The following FRMD3 variants were observed in gnomAD, a reference collection of about 807,000 sequenced individuals.
The protein encoded by FRMD3 is FERM domain-containing protein 3.
Under a neutral mutation model 70.2 loss-of-function variants are expected in FRMD3, and 33 were observed. That is an observed-to-expected ratio of 0.47 (90% CI 0.36 to 0.63). FRMD3 has a LOEUF of 0.63. Ranked by LOEUF, FRMD3 falls within the 20% of genes least tolerant of loss-of-function variation. FRMD3 has a pLI of 0.00. For synonymous variants in FRMD3, 279 were observed against 255.9 expected, an observed-to-expected ratio of 1.09 and a Z score of -0.86; for missense variants, 632 against 711.4, an observed-to-expected ratio of 0.89 and a Z score of 1.27.
chr9:83,358,689 T>TA (rs1306184510), intron 3 of FRMD3, among the ~76,000 whole-genome samples: 1 of 150,306 alleles, frequency 6.7e-6, no homozygotes, highest in Non-Finnish European at 1.5e-5. Context: ...TTTATTTATT[T>TA]ATTTATTTAT....
In FRMD3 at chr9:83,463,075, G is replaced by T. The variant is rs566783257; in HGVS notation, c.148-73367C>A. On this transcript the variant is annotated intron_variant, in intron 1 of 13. Coordinates refer to ENST00000304195, the MANE Select transcript of FRMD3 (RefSeq NM_174938.6). Reference sequence around the variant, plus strand: ...TGCAAAAATTGCACCATGATGTTCTGGGGATTCTCTGATAGCAAAGAGAAG... The same window carrying T: ...TGCAAAAATTGCACCATGATGTTCTTGGGATTCTCTGATAGCAAAGAGAAG... Among the ~76,000 whole-genome samples, 10 of 152,206 alleles carry T rather than the reference G, an allele frequency of 6.6e-5. No homozygotes were observed. The South Asian group carries it at 2.1e-3, about 32-fold the overall frequency.
rs186058089 is a variant in FRMD3 at position 83,452,452 on chromosome 9, G to A, written c.148-62744C>T. ...TTCAGTAATTAAATTACTCATCCCCGTATGAACTAATGCTTGAGTTGTTTT... is the reference window on the plus strand; with the variant it reads ...TTCAGTAATTAAATTACTCATCCCCATATGAACTAATGCTTGAGTTGTTTT... On this transcript the variant is annotated intron_variant, in intron 1 of 13. Coordinates refer to ENST00000304195, the MANE Select transcript of FRMD3 (RefSeq NM_174938.6). 3.6e-3 allele frequency among the ~76,000 whole-genome samples: 531 copies of A among 145,890 alleles called. 1 individual carries two copies. The highest frequency in any genetic ancestry group is 5.9e-3 in the Non-Finnish European group (396 of 66,750).
chr9:83,561,425 C>T, the FRMD3 span, among the ~76,000 whole-genome samples: 1 of 152,204 alleles, frequency 6.6e-6, no homozygotes, highest in African/African-American at 2.4e-5. Flanking sequence ...GGCTGCTATG[C>T]ACCAGACACT....
chr9:83,334,699 G>C lies in FRMD3; in HGVS notation c.596+817C>G, dbSNP rs1311198560. Among the ~76,000 whole-genome samples the C allele has an allele frequency of 4.6e-5, 7 of 151,972 alleles. No homozygotes were observed. In the South Asian group the frequency reaches 1.5e-3, roughly 32 times the overall value. On this transcript the variant is annotated intron_variant, in intron 6 of 13. Coordinates refer to ENST00000304195, the MANE Select transcript of FRMD3 (RefSeq NM_174938.6). ...ACTACTTGAATTACCTAAATTCCAA[G>C]TTGGCAATGATCCCTACACACACTT...
rs993404841 is a variant in FRMD3 at position 83,244,817 on chromosome 9, T to C, written c.*3101A>G. 23 of 984,968 alleles carry C rather than the reference T, an allele frequency of 2.3e-5. No individual in the cohort carries two copies. The highest frequency in any genetic ancestry group is 6.1e-5 in the Admixed American group (1 of 16,268). The allele number at this position is 984,968 out of a possible 1,614,324, so 61.0% of individuals were successfully genotyped here. The stretch of plus-strand genomic sequence containing the variant: ...CACCCCGAGTTGTGTTTATAAATAT[T>C]AGACAAACCACAAAATATATTCCAA... On this transcript the variant is annotated 3_prime_UTR_variant, in exon 14 of 14. Transcript: ENST00000304195.
At chr9:83,520,225 C>G (rs1564114692) in intron 1 of FRMD3, among the ~76,000 whole-genome samples, 1 of 152,328 alleles carries the variant, frequency 6.6e-6, no homozygotes, top group East Asian at 1.9e-4. Context: ...CCTTCCCCCC[C>G]TGGACTTCAG....
At chr9:83,539,803 C>A (rs1215209718), upstream of FRMD3, among the ~76,000 whole-genome samples, 70 of 152,304 alleles carry the variant, frequency 4.6e-4, 1 homozygote, top group Admixed American at 4.5e-3. Flanking sequence ...CAAATTGCAA[C>A]AATTTGTCAA....
At position 83,350,490 on chromosome 9, in the gene FRMD3, G is replaced by A. The variant is rs540209284; in HGVS notation, c.296-733C>T. 2.0e-5 allele frequency among the ~76,000 whole-genome samples: 3 copies of A among 151,544 alleles called. No homozygotes were observed. The South Asian group carries it at 6.3e-4, about 32-fold the overall frequency. On this transcript the variant is annotated intron_variant, in intron 3 of 13. Coordinates refer to ENST00000304195, the MANE Select transcript of FRMD3 (RefSeq NM_174938.6). ...AAAAAAAAATTAGCTGGGTGTGGTG[G>A]CACATGCCTGTAATCCCAGCTACTC...
At chr9:83,363,175 T>C (rs1824665642) in intron 3 of FRMD3, among the ~76,000 whole-genome samples, 1 of 152,204 alleles carries the variant, frequency 6.6e-6, no homozygotes, top group Non-Finnish European at 1.5e-5. Flanking sequence ...GTCCCTATAT[T>C]ATGCTCTCTT....
At chr9:83,396,379 T>C (rs1002768877) in intron 1 of FRMD3, among the ~76,000 whole-genome samples, 1 of 152,218 alleles carries the variant, frequency 6.6e-6, no homozygotes, top group African/African-American at 2.4e-5. Context: ...CAACCATACA[T>C]CCCTTTATCT....
intron 3 of FRMD3, among the ~76,000 whole-genome samples, chr9:83,362,135 G>A (rs1458786033): frequency 6.6e-6 from 1 of 151,916 alleles, no homozygotes; most frequent in Non-Finnish European, 1.5e-5. Flanking sequence ...ATGAGTATGA[G>A]ACCTGTGGCT....
At position 83,479,651 on chromosome 9, in the gene FRMD3, G is replaced by A. The variant is rs1177820668; in HGVS notation, c.147+58434C>T. Among the ~76,000 whole-genome samples, 28 of 45,534 alleles carry A rather than the reference G, an allele frequency of 6.1e-4. 2 individuals carry two copies. The highest frequency in any genetic ancestry group is 2.6e-3 in the African/African-American group (22 of 8,362). The allele number at this position is 45,534 out of a possible 152,430, so 29.9% of individuals were successfully genotyped here. On this transcript the variant is annotated intron_variant, in intron 1 of 13. Coordinates refer to ENST00000304195, the MANE Select transcript of FRMD3 (RefSeq NM_174938.6). ...AGGAAGGAAGGAAGGAAGGAAGGAAGGAAGGAAGGAAGGAAGGAAGGAAAG... is the reference window on the plus strand; with the variant it reads ...AGGAAGGAAGGAAGGAAGGAAGGAAAGAAGGAAGGAAGGAAGGAAGGAAAG...
chr9:83,519,406 G>T (rs1418757601), intron 1 of FRMD3, among the ~76,000 whole-genome samples: 4 of 152,104 alleles, frequency 2.6e-5, no homozygotes, highest in African/African-American at 9.7e-5. Context: ...CATCATCACT[G>T]GTCATTAGAG....
At chr9:83,380,295 C>A (rs1046726986) in intron 2 of FRMD3, among the ~76,000 whole-genome samples, 1 of 152,080 alleles carries the variant, frequency 6.6e-6, no homozygotes, top group African/African-American at 2.4e-5. Context: ...AGAAGATGAG[C>A]TACACAAAGG....
intron 1 of FRMD3, among the ~76,000 whole-genome samples, chr9:83,420,754 A>G (rs1033838574): frequency 6.6e-6 from 1 of 151,960 alleles, no homozygotes; most frequent in Non-Finnish European, 1.5e-5. Flanking sequence ...GTGAAATCTG[A>G]TTGTTAAAAA....
At chr9:83,379,613 A>ACC (rs1460833265) in intron 2 of FRMD3, among the ~76,000 whole-genome samples, 1 of 152,144 alleles carries the variant, frequency 6.6e-6, no homozygotes, top group Non-Finnish European at 1.5e-5. Flanking sequence ...CAGTGGATTC[A>ACC]CCCCTTAGTA....
At chr9:83,272,134 C>T (rs545873233) in intron 13 of FRMD3, among the ~76,000 whole-genome samples, 21 of 151,830 alleles carry the variant, frequency 1.4e-4, no homozygotes, top group Non-Finnish European at 2.9e-4. Context: ...TCTCTCTCCA[C>T]GGTCTCCCTC....
intron 12 of FRMD3, among the ~76,000 whole-genome samples, chr9:83,292,189 C>T (rs1388601481): frequency 2.7e-5 from 4 of 145,592 alleles, no homozygotes; most frequent in South Asian, 2.1e-4. Flanking sequence ...GACAGAGTCT[C>T]GCTCTGTCAC....
At chr9:83,552,389 C>T in the FRMD3 span, among the ~76,000 whole-genome samples, 1 of 151,916 alleles carries the variant, frequency 6.6e-6, no homozygotes, top group Non-Finnish European at 1.5e-5. Context: ...GTTTTATGTC[C>T]AATTATGTGG....
Sources: allele counts gnomAD v4.1 joint callset (sites outside exome capture counted in the v4.1 genomes callset), GRCh38; gene constraint gnomAD v4.1.1; transcripts MANE v1.5; gene names NCBI Gene and HGNC (gene_info 2026-07-23, HGNC 2026-07-21).